Variants in LRCH1 observed in about 807,000 individuals in gnomAD.
LRCH1 encodes the protein leucine-rich repeat and calponin homology domain-containing protein 1.
LRCH1 carries 23 observed loss-of-function variants against 94.9 expected under a neutral mutation model. The ratio of observed to expected loss-of-function variants is 0.24; its 90% CI spans 0.17 to 0.34. The LOEUF (loss-of-function observed/expected upper bound fraction) is 0.34. Ranked by LOEUF, LRCH1 falls within the 10% of genes least tolerant of loss-of-function variation. LRCH1 has a pLI of 1.00. For missense variants in LRCH1, 790 were observed against 945.9 expected (o/e 0.84, Z 2.16); for synonymous variants, 364 against 354.9 (o/e 1.03, Z -0.29).
At chr13:46,712,882 T>TA (rs1872143049) in intron 15 of LRCH1, among the ~76,000 whole-genome samples, 1 of 152,200 alleles carries the variant, frequency 6.6e-6, no homozygotes, top group South Asian at 2.1e-4. Flanking sequence ...GATTTTTTTT[T>TA]ACCTAAGGAA....
At chr13:46,675,026 A>G (rs1223279726) in intron 3 of LRCH1, among the ~76,000 whole-genome samples, 1 of 152,248 alleles carries the variant, frequency 6.6e-6, no homozygotes, top group Non-Finnish European at 1.5e-5. Flanking sequence ...CAAATGGTCA[A>G]TGTCTCACTA....
intron 1 of LRCH1, among the ~76,000 whole-genome samples, chr13:46,573,111 T>C (rs1350174770): frequency 1.3e-5 from 2 of 152,078 alleles, no homozygotes; most frequent in Admixed American, 1.3e-4. Flanking sequence ...TTAACTCTTA[T>C]CATTTGTTTT....
At chr13:46,563,513 T>C (rs2050151008) in intron 1 of LRCH1, among the ~76,000 whole-genome samples, 1 of 152,236 alleles carries the variant, frequency 6.6e-6, no homozygotes, top group South Asian at 2.1e-4. Flanking sequence ...ATAATAATAG[T>C]ATGTACCTAG....
chr13:46,567,115 T>C (rs2050192799), intron 1 of LRCH1, among the ~76,000 whole-genome samples: 1 of 152,140 alleles, frequency 6.6e-6, no homozygotes, highest in African/African-American at 2.4e-5. Context: ...AGTTTACTGA[T>C]ATTTACTTTC....
chr13:46,592,328 C>T (rs907017791), intron 1 of LRCH1, among the ~76,000 whole-genome samples: 2 of 152,178 alleles, frequency 1.3e-5, no homozygotes, highest in African/African-American at 4.8e-5. Context: ...AACTGTAAGG[C>T]TTGTGATAGT....
At chr13:46,649,199 T>G (rs1158712445) in intron 1 of LRCH1, among the ~76,000 whole-genome samples, 1 of 152,258 alleles carries the variant, frequency 6.6e-6, no homozygotes, top group East Asian at 1.9e-4. Flanking sequence ...CTGTGTTTTC[T>G]TTGGCTAAGG....
chr13:46,602,106 A>C (rs2050634590), intron 1 of LRCH1, among the ~76,000 whole-genome samples: 1 of 152,214 alleles, frequency 6.6e-6, no homozygotes, highest in Non-Finnish European at 1.5e-5. Flanking sequence ...ATCTCTTTCC[A>C]TTCTAGCTTG....
At chr13:46,737,577 T>A (rs1006821227) in intron 19 of LRCH1, among the ~76,000 whole-genome samples, 5 of 152,236 alleles carry the variant, frequency 3.3e-5, no homozygotes, top group African/African-American at 1.2e-4. Context: ...TGTAGCTGTC[T>A]TCGACCTCTA....
At chr13:46,562,437 C>G (rs367913092) in intron 1 of LRCH1, among the ~76,000 whole-genome samples, 1 of 152,160 alleles carries the variant, frequency 6.6e-6, no homozygotes, top group Non-Finnish European at 1.5e-5. Flanking sequence ...ACAGGCCGTT[C>G]CTTTTTATAC....
At chr13:46,671,524 G>A (rs1274541528) in intron 3 of LRCH1, among the ~76,000 whole-genome samples, 1 of 152,216 alleles carries the variant, frequency 6.6e-6, no homozygotes, top group Non-Finnish European at 1.5e-5. Flanking sequence ...GAATGGGGCT[G>A]AGGGGGCAGG....
intron 1 of LRCH1, among the ~76,000 whole-genome samples, chr13:46,639,150 C>T (rs1395173489): frequency 6.6e-6 from 1 of 152,208 alleles, no homozygotes; most frequent in African/African-American, 2.4e-5. Flanking sequence ...CAACTCACAG[C>T]AGTGCCTTGT....
intron 18 of LRCH1, 29 bp from the exon 19 acceptor site, chr13:46,733,892 A>G (rs765382911): frequency 8.0e-6 from 11 of 1,371,568 alleles, no homozygotes; most frequent in Middle Eastern, 4.0e-4. Context: ...TTTAAATAAT[A>G]TATTATTTCC....
chr13:46,622,602 C>T (rs1263077768), intron 1 of LRCH1, among the ~76,000 whole-genome samples: 4 of 152,124 alleles, frequency 2.6e-5, no homozygotes, highest in Non-Finnish European at 5.9e-5. Context: ...TTTAGTACAA[C>T]TAGTACCACT....
intron 1 of LRCH1, among the ~76,000 whole-genome samples, chr13:46,628,714 C>T (rs1271608792): frequency 1.3e-5 from 2 of 149,430 alleles, no homozygotes; most frequent in South Asian, 2.1e-4. Flanking sequence ...ATGACAGGAA[C>T]GGTTAGAGTG....
chr13:46,590,478 TA>T (rs1392158854), intron 1 of LRCH1, among the ~76,000 whole-genome samples: 35 of 152,274 alleles, frequency 2.3e-4, no homozygotes, highest in African/African-American at 8.4e-4. Context: ...AATTCAGTGT[TA>T]TCACAGGCCA....
At chr13:46,626,230 C>T (rs2050947670) in intron 1 of LRCH1, among the ~76,000 whole-genome samples, 1 of 152,094 alleles carries the variant, frequency 6.6e-6, no homozygotes, top group African/African-American at 2.4e-5. Flanking sequence ...ATGGCTTTTT[C>T]CAAAGCATAG....
At chr13:46,634,203 A>G (rs1209958491) in intron 1 of LRCH1, among the ~76,000 whole-genome samples, 1 of 152,178 alleles carries the variant, frequency 6.6e-6, no homozygotes, top group Non-Finnish European at 1.5e-5. Flanking sequence ...TTGAGCATCT[A>G]GCACGTTTCC....
At chr13:46,595,891 T>G (rs2050557062) in intron 1 of LRCH1, among the ~76,000 whole-genome samples, 1 of 151,710 alleles carries the variant, frequency 6.6e-6, no homozygotes, top group African/African-American at 2.4e-5. Flanking sequence ...GAATATTTTA[T>G]GTAAGACAGG....
chr13:46,553,820 C>T (rs1431860191), intron 1 of LRCH1, 117 bp downstream of exon 1: 6 of 1,524,398 alleles, frequency 3.9e-6, no homozygotes, highest in Non-Finnish European at 5.3e-6. Flanking sequence ...GAGGGTCCAT[C>T]GGCCCGTTGT....
Sources: gnomAD v4.1 joint callset for allele counts (sites outside exome capture counted in the v4.1 genomes callset) on GRCh38, gnomAD v4.1.1 for gene constraint, MANE v1.5 for transcripts, NCBI Gene and HGNC (gene_info 2026-07-23, HGNC 2026-07-21) for gene names.